Variants in RGPD3 observed in about 807,000 individuals in gnomAD.
The protein encoded by RGPD3 is RANBP2 like and GRIP domain containing 3.
RGPD3 carries 62 observed loss-of-function variants against 154.5 expected under a neutral mutation model. That is an observed-to-expected ratio of 0.40 (90% CI 0.33 to 0.50). The LOEUF (loss-of-function observed/expected upper bound fraction) is 0.50. RGPD3 is among the 20% of genes least tolerant of loss of function. The pLI, the probability that RGPD3 is intolerant of heterozygous loss-of-function variation, is 0.59. For synonymous variants in RGPD3, 308 were observed against 607.0 expected, an observed-to-expected ratio of 0.51 and a Z score of 7.24; for missense variants, 919 against 1,716.8, an observed-to-expected ratio of 0.54 and a Z score of 8.21.
At chr2:106,464,340 CAAAAA>C (rs55851806) in intron 1 of RGPD3, among the ~76,000 whole-genome samples, 2 of 107,348 alleles carry the variant, frequency 1.9e-5, no homozygotes, top group Non-Finnish European at 3.9e-5. Context: ...GACTCCATCT[CAAAAA>C]AAAAAAAAAA....
At chr2:106,412,313 T>G (rs1445201357) in intron 22 of RGPD3, among the ~76,000 whole-genome samples, 2 of 101,210 alleles carry the variant, frequency 2.0e-5, no homozygotes, top group African/African-American at 3.7e-5. Flanking sequence ...TTTTTTTTTT[T>G]TTTTTTTTTT....
chr2:106,427,060 A>G (rs1677221397), intron 18 of RGPD3, among the ~76,000 whole-genome samples: 1 of 151,444 alleles, frequency 6.6e-6, no homozygotes, highest in Non-Finnish European at 1.5e-5. Flanking sequence ...AAAAAATAAA[A>G]TATTAAATAA....
intron 6 of RGPD3, among the ~76,000 whole-genome samples, chr2:106,449,966 G>A (rs1271834943): frequency 1.6e-4 from 24 of 149,822 alleles, no homozygotes; most frequent in South Asian, 4.2e-4. Flanking sequence ...GCAGTGAGCC[G>A]AGATGGCGCC....
upstream of RGPD3, among the ~76,000 whole-genome samples, chr2:106,468,569 G>A (rs1368755623): frequency 1.3e-5 from 2 of 152,264 alleles, no homozygotes; most frequent in Non-Finnish European, 2.9e-5. Flanking sequence ...ACTTTGGGAG[G>A]CTGAGGCGGG....
chr2:106,421,029 A>G (rs1676968333), intron 20 of RGPD3, among the ~76,000 whole-genome samples: 4 of 152,134 alleles, frequency 2.6e-5, no homozygotes, highest in Admixed American at 2.6e-4. Context: ...TTACAATGTT[A>G]AATTTGTCCC....
chr2:106,467,676 T>C (rs544284769), intron 1 of RGPD3, among the ~76,000 whole-genome samples: 1 of 137,064 alleles, frequency 7.3e-6, no homozygotes. Flanking sequence ...TCGGGAGCCA[T>C]GACGCCTGAG....
In RGPD3 at chr2:106,420,101, A is replaced by G. The variant is rs535490776; in HGVS notation, c.4924+2942T>C. On this transcript the variant is annotated intron_variant, in intron 20 of 22. Transcript: ENST00000409886. ...AAAAAATCTTAAAACATAAGCAAGT[A>G]TTAGTATACATATGAAACTAATCCA... Among the ~76,000 whole-genome samples the G allele has an allele frequency of 5.4e-3, 801 of 147,604 alleles. 10 individuals are homozygous for G. Among genetic ancestry groups the G allele is most frequent in the African/African-American group, 0.019 (779 of 40,134 alleles).
chr2:106,434,011 T>C (rs1352742883), intron 15 of RGPD3, among the ~76,000 whole-genome samples: 5 of 120,432 alleles, frequency 4.2e-5, no homozygotes, highest in Non-Finnish European at 3.4e-5. Context: ...AGAAGTACTT[T>C]TTAAGAGCAT....
At chr2:106,464,188 A>G (rs1678488994) in intron 1 of RGPD3, among the ~76,000 whole-genome samples, 1 of 152,196 alleles carries the variant, frequency 6.6e-6, no homozygotes, top group Middle Eastern at 3.4e-3. Flanking sequence ...TACTAAAAAC[A>G]CTAAAAAATT....
intron 1 of RGPD3, among the ~76,000 whole-genome samples, chr2:106,463,330 G>T (rs1211445128): frequency 6.6e-6 from 1 of 152,272 alleles, no homozygotes; most frequent in Non-Finnish European, 1.5e-5. Flanking sequence ...GAAAAAATTA[G>T]CCGGGCATGG....
At chr2:106,409,371 AG>A (rs1676603437) in intron 22 of RGPD3, among the ~76,000 whole-genome samples, 1 of 152,052 alleles carries the variant, frequency 6.6e-6, no homozygotes, top group African/African-American at 2.4e-5. Context: ...CCTTTTACCT[AG>A]GAAATTTTCT....
intron 22 of RGPD3, among the ~76,000 whole-genome samples, chr2:106,409,909 C>G (rs1253800646): frequency 1.1e-5 from 1 of 93,090 alleles, no homozygotes; most frequent in Non-Finnish European, 2.0e-5. Flanking sequence ...GAGTTTTGAT[C>G]TTGTTGCTCA....
intron 20 of RGPD3, among the ~76,000 whole-genome samples, chr2:106,417,473 G>T (rs1374162301): frequency 5.4e-5 from 8 of 148,524 alleles, no homozygotes; most frequent in Admixed American, 2.7e-4. Context: ...CAGAGTAACA[G>T]ACCAAGTTTA....
Position 106,424,517 on chromosome 2 carries a change from T to C in RGPD3, c.3450A>G (p.Lys1150=). 1 of 1,606,532 alleles carries C rather than the reference T, an allele frequency of 6.2e-7. No homozygotes were observed. Among genetic ancestry groups the C allele is most frequent in the Non-Finnish European group, 8.5e-7 (1 of 1,179,152 alleles). ...GDAKLERLAA[K]FKTPELAEEF... ...CTTCAGCCAGCTCTGGTGTTTTAAATTTTGCTGCCAATCGCTCTAGTTTGG... is the reference window on the plus strand; with the variant it reads ...CTTCAGCCAGCTCTGGTGTTTTAAACTTTGCTGCCAATCGCTCTAGTTTGG... Residue 1150 remains lysine (K), a synonymous_variant, in exon 20 of 23, where the codon AAA becomes AAG. Transcript: ENST00000409886.
At position 106,465,501 on chromosome 2, in the gene RGPD3, T is replaced by A. The variant is rs1173015087; in HGVS notation, c.72+2716A>T. Among the ~76,000 whole-genome samples, 14 of 151,520 alleles carry A rather than the reference T, an allele frequency of 9.2e-5. No homozygotes were observed. In the East Asian group the frequency reaches 2.7e-3, roughly 30 times the overall value. On this transcript the variant is annotated intron_variant, in intron 1 of 22. Coordinates refer to ENST00000409886, the MANE Select transcript of RGPD3 (RefSeq NM_001144013.2). ...TTCTAACTTCTGTCTAGACCAGTGGTTTTTAATCTTTTGGAAGCCAAGGTC... is the reference window on the plus strand; with the variant it reads ...TTCTAACTTCTGTCTAGACCAGTGGATTTTAATCTTTTGGAAGCCAAGGTC...
intron 1 of RGPD3, among the ~76,000 whole-genome samples, chr2:106,466,960 A>C (rs1678626770): frequency 1.7e-5 from 2 of 119,734 alleles, no homozygotes; most frequent in South Asian, 6.7e-4. Flanking sequence ...CGCCTGAGCC[A>C]TCGAGGCCGC....
At chr2:106,464,161 C>G (rs1336083330) in intron 1 of RGPD3, among the ~76,000 whole-genome samples, 5 of 151,800 alleles carry the variant, frequency 3.3e-5, no homozygotes, top group Non-Finnish European at 5.9e-5. Context: ...CTGGCTAACA[C>G]GGTGAAACCC....
chr2:106,470,458 C>T (rs13388669), upstream of RGPD3, among the ~76,000 whole-genome samples: 389 of 152,232 alleles, frequency 2.6e-3, 3 homozygotes, highest in African/African-American at 8.7e-3. Flanking sequence ...CATTGGATGT[C>T]ATCTTCCCAT....
At chr2:106,460,458 A>G (rs1009001620) in intron 1 of RGPD3, among the ~76,000 whole-genome samples, 3 of 140,394 alleles carry the variant, frequency 2.1e-5, no homozygotes, top group African/African-American at 5.3e-5. Context: ...ACAGTCAAGG[A>G]GTCAAAAAGG....
Sources: gnomAD v4.1 joint callset for allele counts (sites outside exome capture counted in the v4.1 genomes callset) on GRCh38, gnomAD v4.1.1 for gene constraint, MANE v1.5 for transcripts, NCBI Gene and HGNC (gene_info 2026-07-23, HGNC 2026-07-21) for gene names.